The following KCNQ5 variants were observed in gnomAD, a reference collection of about 807,000 sequenced individuals.
KCNQ5 encodes potassium voltage-gated channel subfamily KQT member 5.
In KCNQ5, 30 loss-of-function variants were observed where a neutral mutation model predicts 98.2. The ratio of observed to expected loss-of-function variants is 0.31; its 90% CI spans 0.23 to 0.41. The LOEUF (loss-of-function observed/expected upper bound fraction) is 0.41. Ranked by LOEUF, KCNQ5 falls within the 10% of genes least tolerant of loss-of-function variation. KCNQ5 has a pLI of 1.00. For missense variants in KCNQ5, 835 were observed against 1,182.5 expected (o/e 0.71, Z 4.31); for synonymous variants, 458 against 449.4 (o/e 1.02, Z -0.24).
chr6:72,707,446 G>A (rs555474952), intron 1 of KCNQ5, among the ~76,000 whole-genome samples: 32 of 152,084 alleles, frequency 2.1e-4, no homozygotes, highest in Middle Eastern at 3.4e-3. Context: ...TAAAAATGAC[G>A]TTGTTATACT....
chr6:72,854,721 TACACACACACAC>T (rs59899899), intron 1 of KCNQ5, among the ~76,000 whole-genome samples: 3 of 126,826 alleles, frequency 2.4e-5, no homozygotes, highest in African/African-American at 5.9e-5. Flanking sequence ...TCTTTCTTTG[TACACACACACAC>T]ACACACACAC....
chr6:72,705,393 G>T (rs1769020438), intron 1 of KCNQ5, among the ~76,000 whole-genome samples: 3 of 152,102 alleles, frequency 2.0e-5, no homozygotes, highest in Admixed American at 6.6e-5. Flanking sequence ...ACTTTGCCAA[G>T]ATATAGATGT....
At chr6:72,868,200 G>A (rs1309886968) in intron 1 of KCNQ5, among the ~76,000 whole-genome samples, 1 of 151,992 alleles carries the variant, frequency 6.6e-6, no homozygotes, top group Non-Finnish European at 1.5e-5. Flanking sequence ...ATTAGGCTGT[G>A]GTATGCAGAG....
intron 1 of KCNQ5, among the ~76,000 whole-genome samples, chr6:72,753,878 T>C (rs7743377): frequency 0.034 from 5,155 of 152,258 alleles, 276 homozygotes; most frequent in African/African-American, 0.12. Context: ...TCTAAGTCTA[T>C]GACTTGCCTT....
chr6:73,167,160 A>G lies in KCNQ5; in HGVS notation c.1469-2586A>G, dbSNP rs568925541. On this transcript the variant is annotated intron_variant, in intron 10 of 13. Transcript: ENST00000370398. ...AAAGACTGTGTTGTGTGGGTGGTCA[A>G]TCCAGCAAACTGGCTACCCTGAAGG... 1.1e-4 allele frequency among the ~76,000 whole-genome samples: 16 copies of G among 152,320 alleles called. 2 individuals are homozygous for G. Among genetic ancestry groups the G allele is most frequent in the Admixed American group, 1.0e-3 (16 of 15,302 alleles).
chr6:72,900,321 C>T (rs1779437187), intron 1 of KCNQ5, among the ~76,000 whole-genome samples: 2 of 148,296 alleles, frequency 1.3e-5, no homozygotes, highest in South Asian at 4.3e-4. Flanking sequence ...TATATATATC[C>T]CATCTCATAT....
At chr6:72,655,507 G>A (rs894105044) in intron 1 of KCNQ5, among the ~76,000 whole-genome samples, 1 of 152,120 alleles carries the variant, frequency 6.6e-6, no homozygotes. Flanking sequence ...AGTGGAATTA[G>A]AGAGGAACGG....
chr6:72,932,263 T>C (rs1407158032), intron 1 of KCNQ5, among the ~76,000 whole-genome samples: 1 of 151,954 alleles, frequency 6.6e-6, no homozygotes, highest in Non-Finnish European at 1.5e-5. Flanking sequence ...TGTGTGTGTG[T>C]GCGTGTGTGC....
Position 73,179,200 on chromosome 6 carries a change from A to G in KCNQ5, c.1577+9346A>G, listed in dbSNP as rs140408514. ...ATCTGAAACTGAGTAATTTATAAGG[A>G]TGAATTTATTTCTTACAGTTATGGA... is the stretch of plus-strand genomic sequence containing the variant. On this transcript the variant is annotated intron_variant, in intron 11 of 13. Transcript: ENST00000370398. Among the ~76,000 whole-genome samples, 876 of 152,270 alleles carry G rather than the reference A, an allele frequency of 5.8e-3. 7 individuals carry two copies. Among genetic ancestry groups the G allele is most frequent in the African/African-American group, 0.02 (833 of 41,560 alleles).
At chr6:72,998,807 C>T (rs1427032135) in intron 1 of KCNQ5, among the ~76,000 whole-genome samples, 1 of 151,012 alleles carries the variant, frequency 6.6e-6, no homozygotes, top group Non-Finnish European at 1.5e-5. Flanking sequence ...CTTACATGGG[C>T]CATTATGCCA....
At chr6:72,907,134 CTG>C (rs1242680745) in intron 1 of KCNQ5, among the ~76,000 whole-genome samples, 2 of 151,970 alleles carry the variant, frequency 1.3e-5, no homozygotes, top group African/African-American at 4.8e-5. Flanking sequence ...ATTACTTTAA[CTG>C]TGTTATCTTG....
At chr6:72,821,136 G>A (rs1451772720) in intron 1 of KCNQ5, among the ~76,000 whole-genome samples, 1 of 152,200 alleles carries the variant, frequency 6.6e-6, no homozygotes, top group African/African-American at 2.4e-5. Context: ...TAAACCACAA[G>A]GGACAGATGG....
At chr6:72,669,417 C>T (rs576806163) in intron 1 of KCNQ5, among the ~76,000 whole-genome samples, 1 of 152,290 alleles carries the variant, frequency 6.6e-6, no homozygotes, top group East Asian at 1.9e-4. Flanking sequence ...ATCCTCTTTG[C>T]CTTGAATAAT....
In KCNQ5 at chr6:72,750,200, C is replaced by T. The variant is rs77310704; in HGVS notation, c.398+127613C>T. ...TGGAAAGGAACTCCCAAGTGCATTT[C>T]CTAAAAGAGTACTTTGTGTGTTCAA... On this transcript the variant is annotated intron_variant, in intron 1 of 13. Coordinates refer to ENST00000370398, the MANE Select transcript of KCNQ5 (RefSeq NM_019842.4). 4.3e-3 allele frequency among the ~76,000 whole-genome samples: 648 copies of T among 152,128 alleles called. 7 individuals are homozygous for T. Among genetic ancestry groups the T allele is most frequent in the African/African-American group, 0.015 (607 of 41,530 alleles).
chr6:72,817,000 G>T (rs1775532499), intron 1 of KCNQ5, among the ~76,000 whole-genome samples: 1 of 152,196 alleles, frequency 6.6e-6, no homozygotes, highest in Non-Finnish European at 1.5e-5. Context: ...AATACAGAAA[G>T]ATGTTTGGGG....
chr6:72,779,725 G>A (rs4707988), intron 1 of KCNQ5, among the ~76,000 whole-genome samples: 81,959 of 151,788 alleles, frequency 0.54, 22,573 homozygotes, highest in Middle Eastern at 0.62. Context: ...GCTCACTACA[G>A]CTTGGACCTC....
chr6:72,820,418 A>G (rs1230964034), intron 1 of KCNQ5, among the ~76,000 whole-genome samples: 1 of 152,094 alleles, frequency 6.6e-6, no homozygotes, highest in Non-Finnish European at 1.5e-5. Context: ...AGGGTGAAAT[A>G]TTGAGGACAC....
intron 1 of KCNQ5, among the ~76,000 whole-genome samples, chr6:72,914,766 C>A (rs560389164): frequency 6.6e-6 from 1 of 151,830 alleles, no homozygotes; most frequent in East Asian, 1.9e-4. Context: ...GGCTTTCTAG[C>A]CACTGGTGGC....
intron 13 of KCNQ5, among the ~76,000 whole-genome samples, chr6:73,193,509 T>TAAA (rs1430825866): frequency 1.5e-4 from 18 of 118,392 alleles, no homozygotes; most frequent in Non-Finnish European, 2.2e-4. Flanking sequence ...TAAAATAAAA[T>TAAA]ATAAAATAAA....
Sources: gnomAD v4.1 joint callset for allele counts (sites outside exome capture counted in the v4.1 genomes callset) on GRCh38, gnomAD v4.1.1 for gene constraint, MANE v1.5 for transcripts, NCBI Gene and HGNC (gene_info 2026-07-23, HGNC 2026-07-21) for gene names.